PCDHA10: variants seen among roughly 807,000 people sequenced by gnomAD.
The protein encoded by PCDHA10 is protocadherin alpha 10, also known as protocadherin alpha-10.
A neutral mutation model predicts 61.2 loss-of-function variants in PCDHA10; 45 were observed. The observed-to-expected ratio is 0.74, with a 90% CI of 0.58 to 0.94. The LOEUF (loss-of-function observed/expected upper bound fraction) is 0.94, where lower values mean the gene tolerates loss of function less well. Among genes scored for constraint, PCDHA10 ranks in the 40% least tolerant of loss-of-function variants. The pLI is 0.00. For synonymous variants in PCDHA10, 602 were observed against 548.8 expected (o/e 1.10, Z -1.35); for missense variants, 1,278 against 1,236.2 (o/e 1.03, Z -0.51).
Position 140,856,888 on chromosome 5 carries a change from TA to T in PCDHA10, c.841del (p.Ser281AlafsTer8), listed in dbSNP as rs782463832. 1.3e-6 allele frequency: 2 copies of T among 1,596,688 alleles called. No homozygotes were observed. Among genetic ancestry groups the T allele is most frequent in the Non-Finnish European group, 1.7e-6 (2 of 1,166,404 alleles). On this transcript the variant is annotated frameshift_variant, in exon 1 of 4. Coordinates refer to ENST00000307360, the MANE Select transcript of PCDHA10 (RefSeq NM_018901.4). LOFTEE classifies it high-confidence loss of function. ...GINKEMMYSF[S>X]SLVPPTIRRK... ...TAAACAAGGAAATGATGTATTCATT[TA>T]GCTCTTTGGTCCCACCCACGATAAG...
chr5:140,877,411 C>T (rs781874450), intron 1 of PCDHA10: 75 of 1,613,818 alleles, frequency 4.6e-5, no homozygotes, highest in Non-Finnish European at 6.0e-5. Context: ...GCGCCACCGC[C>T]TGCTGGTGCT....
intron 1 of PCDHA10, chr5:140,967,070 A>C (rs781831975): frequency 6.2e-7 from 1 of 1,613,072 alleles, no homozygotes; most frequent in South Asian, 1.1e-5. Context: ...GCTCTTCGTC[A>C]ACGAGCGCAT....
chr5:140,870,132 C>G (rs371110623), intron 1 of PCDHA10: 2 of 1,613,970 alleles, frequency 1.2e-6, no homozygotes, highest in East Asian at 2.2e-5. Flanking sequence ...TGGACACCAA[C>G]GATAACTCTC....
At chr5:140,984,371 C>T (rs2097099528) in intron 3 of PCDHA10, among the ~76,000 whole-genome samples, 1 of 152,150 alleles carries the variant, frequency 6.6e-6, no homozygotes, top group African/African-American at 2.4e-5. Flanking sequence ...TGGCCAAGTC[C>T]CTCTTTCAGA....
intron 1 of PCDHA10, among the ~76,000 whole-genome samples, chr5:140,977,958 C>T (rs1912706): frequency 0.036 from 5,518 of 152,194 alleles, 299 homozygotes; most frequent in African/African-American, 0.12. Context: ...AGGGCCACCT[C>T]AATCTCCGCC....
At chr5:140,937,866 C>T (rs892440956) in intron 1 of PCDHA10, among the ~76,000 whole-genome samples, 4 of 150,734 alleles carry the variant, frequency 2.7e-5, no homozygotes, top group African/African-American at 4.9e-5. Flanking sequence ...GAGCCGAGAT[C>T]GCGCCACTGC....
chr5:140,987,005 T>C (rs1587197864), intron 3 of PCDHA10, among the ~76,000 whole-genome samples: 1 of 152,008 alleles, frequency 6.6e-6, no homozygotes. Context: ...CTTGAGGTCA[T>C]GAGTTCGAGA....
intron 3 of PCDHA10, among the ~76,000 whole-genome samples, chr5:140,984,328 G>A (rs1221209076): frequency 3.3e-5 from 5 of 152,156 alleles, no homozygotes; most frequent in African/African-American, 1.2e-4. Context: ...GGCAAATGTG[G>A]AATAGGAACC....
intron 1 of PCDHA10, among the ~76,000 whole-genome samples, chr5:140,963,588 A>G (rs1554226668): frequency 6.6e-6 from 1 of 152,218 alleles, no homozygotes; most frequent in African/African-American, 2.4e-5. Flanking sequence ...AATGTAGGAT[A>G]TAGTTCTAGA....
chr5:140,875,744 A>G, intron 1 of PCDHA10: 2 of 1,614,206 alleles, frequency 1.2e-6, no homozygotes, highest in Non-Finnish European at 1.7e-6. Flanking sequence ...TCTCGGATCG[A>G]CCGCGAGAAG....
chr5:140,870,918 G>A, intron 1 of PCDHA10: 1 of 1,613,956 alleles, frequency 6.2e-7, no homozygotes, highest in Non-Finnish European at 8.5e-7. Context: ...ACAACGCGTG[G>A]CTTTCATATG....
chr5:140,946,629 T>TATATATATATATATATATATAC (rs1367833800), intron 1 of PCDHA10, among the ~76,000 whole-genome samples: 1 of 123,274 alleles, frequency 8.1e-6, no homozygotes, highest in African/African-American at 3.0e-5. Context: ...TATATATATA[T>TATATATATATATATATATATAC]ATACAATGGA....
At chr5:140,966,732 G>A in intron 1 of PCDHA10, 1 of 1,415,600 alleles carries the variant, frequency 7.1e-7, no homozygotes, top group South Asian at 1.6e-5. Flanking sequence ...GCCGCCTCCG[G>A]CCCTGCCCGG....
intron 1 of PCDHA10, among the ~76,000 whole-genome samples, chr5:140,912,129 A>C (rs2075781767): frequency 6.6e-6 from 1 of 152,156 alleles, no homozygotes; most frequent in Admixed American, 6.6e-5. Flanking sequence ...AGTCAGTCTA[A>C]TCTCTCCATG....
At chr5:140,908,452 T>A (rs2073982140) in intron 1 of PCDHA10, among the ~76,000 whole-genome samples, 1 of 152,196 alleles carries the variant, frequency 6.6e-6, no homozygotes, top group African/African-American at 2.4e-5. Context: ...TATGGCTAGA[T>A]GGATCAGAAA....
chr5:140,862,807 C>A, intron 1 of PCDHA10: 1 of 572,850 alleles, frequency 1.7e-6, no homozygotes. Flanking sequence ...GGAGCTGCTG[C>A]AGTTCTAGGT....
intron 1 of PCDHA10, among the ~76,000 whole-genome samples, chr5:140,889,237 A>C (rs1181963973): frequency 6.6e-6 from 1 of 151,844 alleles, no homozygotes; most frequent in Non-Finnish European, 1.5e-5. Context: ...AACTTCCAGA[A>C]AATTTTCTGT....
intron 1 of PCDHA10, among the ~76,000 whole-genome samples, chr5:140,960,366 ACT>A (rs2095543381): frequency 6.6e-6 from 1 of 152,188 alleles, no homozygotes; most frequent in Non-Finnish European, 1.5e-5. Flanking sequence ...TAATATGCCA[ACT>A]CTTAAGTGCC....
Position 141,010,878 on chromosome 5 carries a change from A to C in PCDHA10, c.*941A>C, listed in dbSNP as rs2098418656. 1.3e-5 allele frequency: 2 copies of C among 153,770 alleles called. No homozygotes were observed. Among genetic ancestry groups the C allele is most frequent in the South Asian group, 4.1e-4 (2 of 4,830 alleles). The allele number at this position is 153,770 out of a possible 1,614,324, so 9.5% of individuals were successfully genotyped here. ...GAAAGTCTATAGCTATAAATCTTTA[A>C]AGAGAAATATGAATACAATTCCCCT... On this transcript the variant is annotated 3_prime_UTR_variant, in exon 4 of 4. Transcript: ENST00000307360.
Sources: gnomAD v4.1 joint callset for allele counts (sites outside exome capture counted in the v4.1 genomes callset) on GRCh38, gnomAD v4.1.1 for gene constraint, MANE v1.5 for transcripts, NCBI Gene and HGNC (gene_info 2026-07-23, HGNC 2026-07-21) for gene names.